GMDS: variants seen among roughly 807,000 people sequenced by gnomAD.
GMDS encodes GDP-mannose 4,6 dehydratase.
GMDS carries 20 observed loss-of-function variants against 49.9 expected under a neutral mutation model. That is an observed-to-expected ratio of 0.40 (90% CI 0.28 to 0.58). The LOEUF (loss-of-function observed/expected upper bound fraction) is 0.58. Among genes scored for constraint, GMDS ranks in the 20% least tolerant of loss-of-function variants. The pLI, the probability that GMDS is intolerant of heterozygous loss-of-function variation, is 0.42. For missense variants in GMDS, 362 were observed against 481.4 expected (o/e 0.75, Z 2.32); for synonymous variants, 177 against 178.6 (o/e 0.99, Z 0.07).
intron 7 of GMDS, among the ~76,000 whole-genome samples, chr6:1,892,181 G>A (rs920638764): frequency 8.6e-5 from 13 of 151,502 alleles, no homozygotes; most frequent in East Asian, 7.7e-4. Context: ...CTTTTCTCTC[G>A]GGGGAGACTG....
chr6:1,776,857 C>A, intron 7 of GMDS, among the ~76,000 whole-genome samples: 1 of 152,214 alleles, frequency 6.6e-6, no homozygotes. Flanking sequence ...ACAGGAAATG[C>A]GCAGATATAC....
chr6:1,881,958 A>C (rs1236929589), intron 7 of GMDS, among the ~76,000 whole-genome samples: 1 of 152,240 alleles, frequency 6.6e-6, no homozygotes, highest in African/African-American at 2.4e-5. Context: ...AGTAAAACTC[A>C]CAGAGTTTTT....
intron 7 of GMDS, among the ~76,000 whole-genome samples, chr6:1,878,272 A>G (rs1047307357): frequency 9.7e-5 from 13 of 134,398 alleles, no homozygotes; most frequent in Non-Finnish European, 1.8e-4. Flanking sequence ...CCGAGATTGC[A>G]CCACTGCACT....
Position 2,117,550 on chromosome 6 carries a change from C to A in GMDS, c.154G>T (p.Gly52Ter). 6.3e-7 allele frequency: 1 copy of A among 1,590,602 alleles called. No homozygotes were observed. The highest frequency in any genetic ancestry group is 8.6e-7 in the Non-Finnish European group (1 of 1,158,486). The change falls in exon 3 of 11, where the codon GGA becomes TGA. Residue 52 changes from glycine to a stop codon, truncating the protein, a stop_gained. Transcript: ENST00000380815. LOFTEE classifies it high-confidence loss of function. Reference protein sequence around the residue: ...FLLEKGYEVHGIVRRSSSFNT... With the variant: ...FLLEKGYEVH The stretch of plus-strand genomic sequence containing the variant: ...AATGAACTGGACCGCCGTACAATTC[C>A]ATGGACCTGAGTTTTTACAGTGTGG...
At chr6:1,850,328 T>C (rs551472747) in intron 7 of GMDS, among the ~76,000 whole-genome samples, 34 of 152,348 alleles carry the variant, frequency 2.2e-4, no homozygotes, top group African/African-American at 8.2e-4. Flanking sequence ...AGTGTCAAGA[T>C]ACATGTTGTA....
intron 9 of GMDS, among the ~76,000 whole-genome samples, chr6:1,726,085 G>A (rs1766574114): frequency 6.6e-6 from 1 of 152,248 alleles, no homozygotes; most frequent in Non-Finnish European, 1.5e-5. Context: ...GCGTTGTTAA[G>A]TCAGGCATCC....
At chr6:1,872,009 C>G (rs1473536043) in intron 7 of GMDS, among the ~76,000 whole-genome samples, 1 of 152,226 alleles carries the variant, frequency 6.6e-6, no homozygotes, top group Non-Finnish European at 1.5e-5. Context: ...ATTCTAACTT[C>G]TGGCTAGCAA....
chr6:1,890,450 G>A (rs1258196287), intron 7 of GMDS, among the ~76,000 whole-genome samples: 1 of 152,098 alleles, frequency 6.6e-6, no homozygotes, highest in African/African-American at 2.4e-5. Flanking sequence ...AGTTGTAAGA[G>A]TTCTTTATAT....
intron 7 of GMDS, among the ~76,000 whole-genome samples, chr6:1,888,119 T>A (rs376556769): frequency 1.1e-3 from 154 of 140,478 alleles, no homozygotes; most frequent in African/African-American, 2.7e-3. Context: ...TGGCTATTTT[T>A]TTATTATTAT....
chr6:2,114,304 G>T (rs1774719812), intron 4 of GMDS, among the ~76,000 whole-genome samples: 2 of 152,114 alleles, frequency 1.3e-5, no homozygotes, highest in South Asian at 4.1e-4. Flanking sequence ...TTGTCTGGAA[G>T]ATACTCTCAT....
At chr6:1,885,394 C>T (rs1429866807) in intron 7 of GMDS, among the ~76,000 whole-genome samples, 1 of 152,096 alleles carries the variant, frequency 6.6e-6, no homozygotes, top group Non-Finnish European at 1.5e-5. Flanking sequence ...ATTAATGTGC[C>T]ACAAATACCA....
intron 4 of GMDS, among the ~76,000 whole-genome samples, chr6:1,987,073 G>A (rs746165144): frequency 7.2e-5 from 11 of 152,138 alleles, no homozygotes; most frequent in African/African-American, 2.7e-4. Flanking sequence ...GTAGTGCTCT[G>A]TGAGTTTGCT....
At chr6:2,108,617 T>TAAACTC (rs1446495884) in intron 4 of GMDS, among the ~76,000 whole-genome samples, 1 of 152,242 alleles carries the variant, frequency 6.6e-6, no homozygotes, top group Non-Finnish European at 1.5e-5. Context: ...AACAATGTTT[T>TAAACTC]AAACTCAAAC....
intron 1 of GMDS, among the ~76,000 whole-genome samples, chr6:2,127,962 T>C (rs1274702463): frequency 1.3e-5 from 2 of 152,212 alleles, no homozygotes; most frequent in African/African-American, 4.8e-5. Flanking sequence ...CTGTAACTCA[T>C]TCAGTATGAA....
intron 4 of GMDS, among the ~76,000 whole-genome samples, chr6:2,085,710 T>C (rs145954890): frequency 7.9e-5 from 12 of 152,248 alleles, no homozygotes; most frequent in Non-Finnish European, 1.3e-4. Context: ...GTATTTTTTG[T>C]AGAAACAGGG....
intron 7 of GMDS, among the ~76,000 whole-genome samples, chr6:1,915,181 T>G (rs1405775816): frequency 6.6e-6 from 1 of 152,182 alleles, no homozygotes; most frequent in Non-Finnish European, 1.5e-5. Flanking sequence ...TGAGGCTGAG[T>G]TGGTTTGACT....
intron 7 of GMDS, among the ~76,000 whole-genome samples, chr6:1,754,690 C>A (rs1042381260): frequency 6.6e-6 from 1 of 152,098 alleles, no homozygotes; most frequent in Non-Finnish European, 1.5e-5. Flanking sequence ...ACGATCAAGT[C>A]GGCTTCATCC....
chr6:1,989,603 T>C (rs181466162), intron 4 of GMDS, among the ~76,000 whole-genome samples: 3 of 152,350 alleles, frequency 2.0e-5, no homozygotes, highest in Admixed American at 6.5e-5. Context: ...AAAAAAGCTC[T>C]GAGTACCTAG....
chr6:1,664,774 T>C (rs567735245), intron 9 of GMDS, among the ~76,000 whole-genome samples: 1 of 152,320 alleles, frequency 6.6e-6, no homozygotes, highest in African/African-American at 2.4e-5. Context: ...AGTGATTATA[T>C]AGTAGTAAAG....
Sources: allele counts gnomAD v4.1 joint callset (sites outside exome capture counted in the v4.1 genomes callset), GRCh38; gene constraint gnomAD v4.1.1; transcripts MANE v1.5; gene names NCBI Gene and HGNC (gene_info 2026-07-23, HGNC 2026-07-21).